Variants in PCDHGA12 observed in about 807,000 individuals in gnomAD.
PCDHGA12 encodes the protein protocadherin gamma-A12.
PCDHGA12 carries 43 observed loss-of-function variants against 61.1 expected under a neutral mutation model. That is an observed-to-expected ratio of 0.70 (90% confidence interval 0.55 to 0.91). The LOEUF (loss-of-function observed/expected upper bound fraction) is 0.91. PCDHGA12 is among the 40% of genes least tolerant of loss of function. The probability of loss-of-function intolerance (pLI) is 0.00; values close to 1 mark genes in which losing one functional copy is unlikely to be tolerated. For missense variants in PCDHGA12, 1,236 were observed against 1,227.7 expected, an observed-to-expected ratio of 1.01 and a Z score of -0.10; for synonymous variants, 520 against 542.9, an observed-to-expected ratio of 0.96 and a Z score of 0.59.
chr5:141,498,197 A>C (rs1191884415), intron 2 of PCDHGA12, among the ~76,000 whole-genome samples: 1 of 152,246 alleles, frequency 6.6e-6, no homozygotes. Flanking sequence ...AACCAGCTAA[A>C]GAAAAGAAGG....
rs201538255 is a variant in PCDHGA12 at position 141,476,796 on chromosome 5, G to A, written c.2425-18011G>A. 10 of 1,613,584 alleles carry A rather than the reference G, an allele frequency of 6.2e-6. No individual in the cohort carries two copies. In the East Asian group the frequency reaches 2.2e-4, roughly 36 times the overall value. On this transcript the variant is annotated intron_variant, in intron 1 of 3. Transcript: ENST00000252085. This position sits in a 1 kb window ranked among gnomAD's most constrained non-coding sequence, Gnocchi z 7.6. Reference sequence around the variant, plus strand: ...GGAGGGACCCCAGCTCTCTCCGCCAGCCTGCCTATTCACATCAAGGTGCTG... The same window carrying A: ...GGAGGGACCCCAGCTCTCTCCGCCAACCTGCCTATTCACATCAAGGTGCTG...
chr5:141,488,113 T>C (rs1053996929), intron 1 of PCDHGA12, among the ~76,000 whole-genome samples: 1 of 152,084 alleles, frequency 6.6e-6, no homozygotes, highest in African/African-American at 2.4e-5. Flanking sequence ...ATTTGAAACA[T>C]AGAGACAGCA....
intron 1 of PCDHGA12, among the ~76,000 whole-genome samples, chr5:141,460,256 C>T (rs1315761341): frequency 6.6e-6 from 1 of 151,704 alleles, no homozygotes; most frequent in Admixed American, 6.6e-5. Context: ...TTGATAAAGC[C>T]CAATTTATTT....
intron 1 of PCDHGA12, among the ~76,000 whole-genome samples, chr5:141,434,452 G>T (rs2097695209): frequency 6.6e-6 from 1 of 152,334 alleles, no homozygotes; most frequent in African/African-American, 2.4e-5. Flanking sequence ...CTGGAAGGTA[G>T]TGGGTTTACC....
chr5:141,430,861 A>C lies in PCDHGA12; in HGVS notation c.102A>C (p.Ser34=). 6.3e-7 allele frequency: 1 copy of C among 1,592,834 alleles called. No homozygotes were observed. Among genetic ancestry groups the C allele is most frequent in the Middle Eastern group, 1.7e-4 (1 of 5,940 alleles). The stretch of plus-strand genomic sequence containing the variant: ...CCGGATGCACCCAGATACGCTATTC[A>C]GTTCCGGAAGAGCTGGAGAAAGGCT... The part of the protein sequence containing the change: ...WETGCTQIRY[S]VPEELEKGSR... The change falls in exon 1 of 4, where the codon TCA becomes TCC. Residue 34 remains serine, a synonymous_variant. Coordinates refer to ENST00000252085, the MANE Select transcript of PCDHGA12 (RefSeq NM_003735.3).
In PCDHGA12 at chr5:141,430,985, G is replaced by T. The variant is rs773308629; in HGVS notation, c.226G>T (p.Ala76Ser). Reference sequence around the variant, plus strand: ...CCCCAGAGGTAGGACGCAGCTTTTCGCCCTGAATCCGCGCAGCGGCAGCTT... The same window carrying T: ...CCCCAGAGGTAGGACGCAGCTTTTCTCCCTGAATCCGCGCAGCGGCAGCTT... ...IIPRGRTQLF[A>S]LNPRSGSLVT... The change falls in exon 1 of 4, where the codon GCC (alanine) becomes TCC (serine). Residue 76 changes from alanine to serine, a missense_variant. Physicochemically the swap from Ala to Ser is moderately conservative, Grantham distance 99 (BLOSUM62 1). Transcript: ENST00000252085. 2.5e-6 allele frequency: 4 copies of T among 1,613,780 alleles called. No homozygotes were observed. Among genetic ancestry groups the T allele is most frequent in the Non-Finnish European group, 3.4e-6 (4 of 1,179,872 alleles).
rs1561869034 is a variant in PCDHGA12 at position 141,433,357 on chromosome 5, G to GT, written c.2424+174_2424+175insT. On this transcript the variant is annotated intron_variant, in intron 1 of 3. Transcript: ENST00000252085. ...TACAGGTGCAAGCCACCTACTGTCT[G>GT]CCTATCTATCTATCTATCTATCTAT... 125 of 569,056 alleles carry GT rather than the reference G, an allele frequency of 2.2e-4. No homozygotes were observed. In the African/African-American group the frequency reaches 2.4e-3, roughly 11 times the overall value. The allele number at this position is 569,056 out of a possible 1,614,324, so 35.3% of individuals were successfully genotyped here. A position where few individuals can be genotyped will look rare whatever the true frequency, so the allele number is the denominator to read the frequency against.
Position 141,432,046 on chromosome 5 carries a change from C to G in PCDHGA12, c.1287C>G (p.Thr429=), listed in dbSNP as rs1389286417. The G allele has an allele frequency of 6.2e-7, 1 of 1,614,224 alleles. No individual in the cohort carries two copies. The highest frequency in any genetic ancestry group is 2.2e-5 in the East Asian group (1 of 44,886). The part of the protein sequence containing the change: ...NITVTATDRG[T]PPLSTETHIS... The stretch of plus-strand genomic sequence containing the variant: ...CAGTGACCGCCACTGACCGGGGAAC[C>G]CCGCCCCTATCCACGGAAACTCATA... The change falls in exon 1 of 4, where the codon ACC becomes ACG. Residue 429 remains threonine, a synonymous_variant. Coordinates refer to ENST00000252085, the MANE Select transcript of PCDHGA12 (RefSeq NM_003735.3). This position sits in a 1 kb window ranked among gnomAD's most constrained non-coding sequence, Gnocchi z 6.0.
At chr5:141,502,398 C>T (rs1303456458) in intron 2 of PCDHGA12, among the ~76,000 whole-genome samples, 1 of 151,688 alleles carries the variant, frequency 6.6e-6, no homozygotes, top group Non-Finnish European at 1.5e-5. Flanking sequence ...TTAAAATGTC[C>T]CCGAACCTGG....
At chr5:141,510,900 G>A in intron 3 of PCDHGA12, 47 bp from the exon 4 acceptor site, 6 of 1,613,378 alleles carry the variant, frequency 3.7e-6, no homozygotes, top group Non-Finnish European at 5.1e-6. Context: ...AGTGACTGTT[G>A]AGGACCCTAA....
At chr5:141,455,244 T>A (rs977940552) in intron 1 of PCDHGA12, among the ~76,000 whole-genome samples, 4 of 152,142 alleles carry the variant, frequency 2.6e-5, no homozygotes, top group Non-Finnish European at 4.4e-5. Flanking sequence ...TTAAAGGTCA[T>A]AGTACAATCG....
intron 1 of PCDHGA12, among the ~76,000 whole-genome samples, chr5:141,453,135 A>G (rs932061368): frequency 6.6e-6 from 1 of 151,778 alleles, no homozygotes; most frequent in Non-Finnish European, 1.5e-5. Context: ...TGTTTTTGAG[A>G]TAGGGTCTCG....
intron 1 of PCDHGA12, among the ~76,000 whole-genome samples, chr5:141,444,402 C>T (rs916833331): frequency 6.6e-6 from 1 of 151,932 alleles, no homozygotes; most frequent in African/African-American, 2.4e-5. Flanking sequence ...AACTCCCAAC[C>T]TCAGGTGATC....
chr5:141,491,407 G>A lies in PCDHGA12; in HGVS notation c.2425-3400G>A. ...GAAGTGCCTTCAGGGAAACGCAGAC[G>A]GGGACGGGGGTGGAGGGCAGTGCTG... is the stretch of plus-strand genomic sequence containing the variant. On this transcript the variant is annotated intron_variant, in intron 1 of 3. Transcript: ENST00000252085. The surrounding 1 kb of genome is among the most constrained non-coding windows in gnomAD (Gnocchi z 6.9). The A allele has an allele frequency of 6.2e-7, 1 of 1,614,116 alleles. No individual in the cohort carries two copies. The highest frequency in any genetic ancestry group is 8.5e-7 in the Non-Finnish European group (1 of 1,180,000).
Position 141,491,417 on chromosome 5 carries a change from G to A in PCDHGA12, c.2425-3390G>A, listed in dbSNP as rs200843744. 5 of 1,613,988 alleles carry A rather than the reference G, an allele frequency of 3.1e-6. No homozygotes were observed. The highest frequency in any genetic ancestry group is 1.1e-5 in the South Asian group (1 of 91,092). Reference sequence around the variant, plus strand: ...CAGGGAAACGCAGACGGGGACGGGGGTGGAGGGCAGTGCTGCAGGCGCCAG... The same window carrying A: ...CAGGGAAACGCAGACGGGGACGGGGATGGAGGGCAGTGCTGCAGGCGCCAG... On this transcript the variant is annotated intron_variant, in intron 1 of 3. Transcript: ENST00000252085. The surrounding 1 kb of genome is among the most constrained non-coding windows in gnomAD (Gnocchi z 6.9).
chr5:141,432,873 T>G lies in PCDHGA12; in HGVS notation c.2114T>G (p.Leu705Arg), dbSNP rs753576338. ...VAVAAVSCVF[L>R]AFVILLLALR... The stretch of plus-strand genomic sequence containing the variant: ...GTGGCCGCGGTCTCCTGCGTCTTCC[T>G]GGCCTTCGTCATCTTGCTGCTGGCG... The change falls in exon 1 of 4, where the codon CTG (leucine) becomes CGG (arginine). Residue 705 changes from leucine (L) to arginine (R), a missense_variant. Leu to Arg is a moderately radical substitution (Grantham distance 102, BLOSUM62 -2). Transcript: ENST00000252085. This position sits in a 1 kb window ranked among gnomAD's most constrained non-coding sequence, Gnocchi z 6.0. 4 of 1,614,204 alleles carry G rather than the reference T, an allele frequency of 2.5e-6. No homozygotes were observed. The highest frequency in any genetic ancestry group is 3.4e-6 in the Non-Finnish European group (4 of 1,180,014).
intron 1 of PCDHGA12, among the ~76,000 whole-genome samples, chr5:141,452,689 C>G (rs1198702467): frequency 6.6e-6 from 1 of 151,562 alleles, no homozygotes; most frequent in Non-Finnish European, 1.5e-5. Context: ...AGAATGAAAC[C>G]CTGTCAAGAA....
Position 141,487,506 on chromosome 5 carries a change from C to T in PCDHGA12, c.2425-7301C>T. 1 of 1,614,220 alleles carries T rather than the reference C, an allele frequency of 6.2e-7. No homozygotes were observed. The highest frequency in any genetic ancestry group is 8.5e-7 in the Non-Finnish European group (1 of 1,180,046). On this transcript the variant is annotated intron_variant, in intron 1 of 3. Coordinates refer to ENST00000252085, the MANE Select transcript of PCDHGA12 (RefSeq NM_003735.3). The surrounding 1 kb of genome is among the most constrained non-coding windows in gnomAD (Gnocchi z 5.0). ...CATGGCTGTACACCCTTGGCTTCTG[C>T]ACCCACTCGGAGTGATAGCTTCATG...
At chr5:141,470,306 T>C (rs2099227644) in intron 1 of PCDHGA12, among the ~76,000 whole-genome samples, 1 of 152,222 alleles carries the variant, frequency 6.6e-6, no homozygotes, top group South Asian at 2.1e-4. Flanking sequence ...TTATTCCATT[T>C]TTCCTCAAAT....
Sources: gnomAD v4.1 joint callset for allele counts (sites outside exome capture counted in the v4.1 genomes callset) on GRCh38, gnomAD v4.1.1 for gene constraint, Gnocchi (gnomAD v3.1) non-coding constraint, MANE v1.5 for transcripts, NCBI Gene and HGNC (gene_info 2026-07-23, HGNC 2026-07-21) for gene names.